Variants in KATNIP observed in about 807,000 individuals in gnomAD.
KATNIP encodes katanin interacting protein, also known as katanin-interacting protein.
KATNIP carries 126 observed loss-of-function variants against 174.0 expected under a neutral mutation model. The observed-to-expected ratio is 0.72, with a 90% CI of 0.63 to 0.84. The LOEUF is 0.84. Ranked by LOEUF, KATNIP falls within the 40% of genes least tolerant of loss-of-function variation. The probability of loss-of-function intolerance (pLI) is 0.00; values close to 1 mark genes in which losing one functional copy is unlikely to be tolerated. For synonymous variants in KATNIP, 810 were observed against 835.7 expected (o/e 0.97, Z 0.53); for missense variants, 1,958 against 2,109.7 (o/e 0.93, Z 1.41).
In KATNIP at chr16:27,777,938, C is replaced by G; in HGVS notation, c.4770C>G (p.Asn1590Lys). ...QMMNENQIIT[N>K]AKRKQSVVDP... Reference sequence around the variant, plus strand: ...TGAATGAAAACCAAATCATTACCAACGCGAAACGGAAGCAGAGCGTTGTTG... The same window carrying G: ...TGAATGAAAACCAAATCATTACCAAGGCGAAACGGAAGCAGAGCGTTGTTG... The change falls in exon 27 of 28, where the codon AAC becomes AAG. Residue 1590 changes from asparagine to lysine, a missense_variant. Transcript: ENST00000261588. This position sits in a 1 kb window ranked among gnomAD's most constrained non-coding sequence, Gnocchi z 4.4. 3 of 1,614,158 alleles carry G rather than the reference C, an allele frequency of 1.9e-6. No homozygotes were observed. Among genetic ancestry groups the G allele is most frequent in the Non-Finnish European group, 2.5e-6 (3 of 1,179,996 alleles).
At chr16:27,701,560 A>G in intron 10 of KATNIP, 29 bp from the exon 11 acceptor site, 6 of 1,533,362 alleles carry the variant, frequency 3.9e-6, no homozygotes, top group Non-Finnish European at 5.3e-6. Flanking sequence ...TGCCTGAGAC[A>G]TCTGTTTAAT....
intron 18 of KATNIP, among the ~76,000 whole-genome samples, chr16:27,760,913 C>T (rs1426153414): frequency 6.6e-6 from 1 of 152,148 alleles, no homozygotes; most frequent in Non-Finnish European, 1.5e-5. Context: ...GAAGGGTGCT[C>T]ACAAGTCAAC....
chr16:27,565,810 A>C (rs2090067591), intron 1 of KATNIP, among the ~76,000 whole-genome samples: 1 of 152,034 alleles, frequency 6.6e-6, no homozygotes, highest in Non-Finnish European at 1.5e-5. Context: ...AACAAAAAAA[A>C]AAAACAAAGG....
chr16:27,565,172 G>T (rs2090036892), intron 1 of KATNIP, among the ~76,000 whole-genome samples: 1 of 150,730 alleles, frequency 6.6e-6, no homozygotes, highest in Non-Finnish European at 1.5e-5. Flanking sequence ...TCAAGATAAA[G>T]AAATAATAGG....
chr16:27,565,239 G>T (rs1290479777), intron 1 of KATNIP, among the ~76,000 whole-genome samples: 1 of 151,374 alleles, frequency 6.6e-6, no homozygotes, highest in Non-Finnish European at 1.5e-5. Context: ...GCCGAGGCGG[G>T]TGGATCACCT....
intron 1 of KATNIP, among the ~76,000 whole-genome samples, chr16:27,566,200 A>G (rs998449915): frequency 2.0e-5 from 3 of 152,174 alleles, no homozygotes; most frequent in East Asian, 1.9e-4. Context: ...TCACTCCAAC[A>G]CATGCGTATC....
intron 15 of KATNIP, among the ~76,000 whole-genome samples, chr16:27,744,734 T>G (rs771856442): frequency 5.3e-5 from 8 of 150,812 alleles, no homozygotes; most frequent in Non-Finnish European, 1.0e-4. Context: ...AATACAAAAA[T>G]TAGCCAGGTA....
In KATNIP at chr16:27,608,327, C is replaced by T. The variant is rs1482488184; in HGVS notation, c.64-10098C>T. On this transcript the variant is annotated intron_variant, in intron 2 of 27. Coordinates refer to ENST00000261588, the MANE Select transcript of KATNIP (RefSeq NM_015202.5). ...CTCACTGCAGCCTCGACCTCCTGGACTCAAGCCATCCTCCCACCTCAGCCT... is the reference window on the plus strand; with the variant it reads ...CTCACTGCAGCCTCGACCTCCTGGATTCAAGCCATCCTCCCACCTCAGCCT... Among the ~76,000 whole-genome samples, 3 of 147,774 alleles carry T rather than the reference C, an allele frequency of 2.0e-5. No homozygotes were observed. The Admixed American group carries it at 2.0e-4, about 10-fold the overall frequency.
chr16:27,716,039 A>G (rs778490939), intron 13 of KATNIP, among the ~76,000 whole-genome samples: 3 of 152,186 alleles, frequency 2.0e-5, no homozygotes, highest in Admixed American at 6.5e-5. Flanking sequence ...GCCAAAAAGT[A>G]GTAGAAACAG....
chr16:27,600,933 A>C (rs1299411861), intron 2 of KATNIP, among the ~76,000 whole-genome samples: 1 of 151,938 alleles, frequency 6.6e-6, no homozygotes, highest in Non-Finnish European at 1.5e-5. Flanking sequence ...GGGTTTCACC[A>C]TGTTGGCCAG....
In KATNIP at chr16:27,550,662, G is replaced by A. The variant is rs1209082529; in HGVS notation, c.7+485G>A. ...GCTCCCTTTAACAAAGTGCTTTCCA[G>A]TACCAAGAACTCTGTAAGTACTCTT... On this transcript the variant is annotated intron_variant, in intron 1 of 27. Coordinates refer to ENST00000261588, the MANE Select transcript of KATNIP (RefSeq NM_015202.5). Among the ~76,000 whole-genome samples, 4 of 152,164 alleles carry A rather than the reference G, an allele frequency of 2.6e-5. 1 individual carries two copies. The highest frequency in any genetic ancestry group is 2.6e-4 in the Admixed American group (4 of 15,268).
chr16:27,630,852 A>G (rs555060909), intron 4 of KATNIP, among the ~76,000 whole-genome samples: 45 of 152,296 alleles, frequency 3.0e-4, no homozygotes, highest in African/African-American at 1.1e-3. Flanking sequence ...GCATGGATAT[A>G]TATACTGGAA....
intron 23 of KATNIP, among the ~76,000 whole-genome samples, chr16:27,774,411 G>T (rs2082418216): frequency 1.3e-5 from 2 of 152,090 alleles, no homozygotes; most frequent in Non-Finnish European, 2.9e-5. Flanking sequence ...ACAGGCCCAG[G>T]GTTGACCTGT....
intron 1 of KATNIP, among the ~76,000 whole-genome samples, chr16:27,556,972 C>T (rs553971239): frequency 9.9e-5 from 15 of 152,088 alleles, no homozygotes; most frequent in African/African-American, 2.9e-4. Context: ...TATAGGAAGT[C>T]GGCCCATAAT....
At chr16:27,762,132 G>A (rs2081977118) in intron 19 of KATNIP, among the ~76,000 whole-genome samples, 2 of 152,148 alleles carry the variant, frequency 1.3e-5, no homozygotes, top group African/African-American at 4.8e-5. Flanking sequence ...TGATCCACAT[G>A]GACCTGCAGC....
At chr16:27,731,675 G>A (rs2080691895) in intron 14 of KATNIP, among the ~76,000 whole-genome samples, 4 of 151,504 alleles carry the variant, frequency 2.6e-5, no homozygotes, top group Admixed American at 2.6e-4. Context: ...CTGGAGTACA[G>A]TGGAGTGATC....
At chr16:27,713,788 A>ATGTG (rs199886034) in intron 13 of KATNIP, among the ~76,000 whole-genome samples, 48 of 89,148 alleles carry the variant, frequency 5.4e-4, no homozygotes, top group African/African-American at 1.1e-3. Context: ...CATATTATAT[A>ATGTG]TGTGTGTGTG....
chr16:27,654,605 T>C (rs1269078318), intron 6 of KATNIP: 1 of 1,352,066 alleles, frequency 7.4e-7, no homozygotes, highest in Admixed American at 1.9e-5. Context: ...TGCTTGTCCC[T>C]AGGATACCAA....
intron 7 of KATNIP, among the ~76,000 whole-genome samples, chr16:27,678,707 G>T (rs118118361): frequency 0.015 from 2,341 of 152,296 alleles, 22 homozygotes; most frequent in Middle Eastern, 0.058. Flanking sequence ...GCCAGGTCCA[G>T]CCAATAGGAC....
Sources: gnomAD v4.1 joint callset for allele counts (sites outside exome capture counted in the v4.1 genomes callset) on GRCh38, gnomAD v4.1.1 for gene constraint, Gnocchi (gnomAD v3.1) non-coding constraint, MANE v1.5 for transcripts, NCBI Gene and HGNC (gene_info 2026-07-23, HGNC 2026-07-21) for gene names.